GALNT11: variants seen among roughly 807,000 people sequenced by gnomAD.
GALNT11 encodes UDP-GalNAc:polypeptide N-acetylgalactosaminyltransferase 11.
Under a neutral mutation model 72.7 loss-of-function variants are expected in GALNT11, and 47 were observed. The ratio of observed to expected loss-of-function variants is 0.65; its 90% CI spans 0.51 to 0.82. The LOEUF (loss-of-function observed/expected upper bound fraction) is 0.82, where lower values mean the gene tolerates loss of function less well. Ranked by LOEUF, GALNT11 falls within the 40% of genes least tolerant of loss-of-function variation. GALNT11 has a pLI of 0.00. For missense variants in GALNT11, 677 were observed against 778.4 expected, an observed-to-expected ratio of 0.87 and a Z score of 1.55; for synonymous variants, 270 against 286.6, an observed-to-expected ratio of 0.94 and a Z score of 0.58.
rs1208715759 is a variant in GALNT11, at chr7:152,113,332, C to T, written c.1167C>T (p.Pro389=). 9.3e-6 allele frequency: 15 copies of T among 1,613,942 alleles called. No homozygotes were observed. The Admixed American group carries it at 1.0e-4, about 11-fold the overall frequency. Residue 389 remains proline, a synonymous_variant, in exon 8 of 12, where the codon CCC becomes CCT. Transcript: ENST00000430044. ...GAAAAAGGCGACCATATGGATCTCC[C>T]GAAGGCCAGGACACCATGACACACA... is the stretch of plus-strand genomic sequence containing the variant. ...IFRKRRPYGS[P]EGQDTMTHNS... is the part of the protein sequence containing the mutation.
chr7:152,087,372 C>CT (rs2129029766), intron 1 of GALNT11, among the ~76,000 whole-genome samples: 1 of 152,274 alleles, frequency 6.6e-6, no homozygotes, highest in Admixed American at 6.5e-5. Flanking sequence ...GTGTTCTAGA[C>CT]TAAGTGAAGA....
At chr7:152,069,836 T>G (rs1256515181) in intron 1 of GALNT11, among the ~76,000 whole-genome samples, 2 of 152,186 alleles carry the variant, frequency 1.3e-5, no homozygotes, top group East Asian at 3.8e-4. Context: ...TATAGTTAGG[T>G]CTTTTTAAAA....
chr7:152,121,088 G>A (rs570906018), intron 11 of GALNT11, 120 bp downstream of exon 11: 54 of 1,207,838 alleles, frequency 4.5e-5, no homozygotes, highest in Non-Finnish European at 5.9e-5. Flanking sequence ...GCAGTACAGT[G>A]GTCCCCCCAG....
chr7:152,108,187 C>G lies in GALNT11; in HGVS notation c.862C>G (p.Pro288Ala). Residue 288 changes from proline (P) to alanine (A), a missense_variant, in exon 6 of 12, where the codon CCT becomes GCT. Coordinates refer to ENST00000430044, the MANE Select transcript of GALNT11 (RefSeq NM_022087.4). ...CGACACGCTGGCCTACAGCTCGTCC[C>G]CTGTCGTCCGCGGAGGGTTCAACTG... ...SADTLAYSSS[P>A]VVRGGFNWGL... 6.2e-7 allele frequency: 1 copy of G among 1,614,146 alleles called. No homozygotes were observed. The highest frequency in any genetic ancestry group is 8.5e-7 in the Non-Finnish European group (1 of 1,180,030).
At chr7:152,049,276 C>G (rs1187569619) in intron 1 of GALNT11, among the ~76,000 whole-genome samples, 1 of 152,150 alleles carries the variant, frequency 6.6e-6, no homozygotes, top group East Asian at 1.9e-4. Flanking sequence ...GAAAGACTTT[C>G]CATATATTCA....
Position 152,100,975 on chromosome 7 carries a change from G to A in GALNT11, c.419+54G>A, listed in dbSNP as rs1220298947. 6 of 1,601,450 alleles carry A rather than the reference G, an allele frequency of 3.7e-6. No individual in the cohort carries two copies. In the African/African-American group the frequency reaches 5.4e-5, roughly 14 times the overall value. On this transcript the variant is annotated intron_variant, in intron 3 of 11. Coordinates refer to ENST00000430044, the MANE Select transcript of GALNT11 (RefSeq NM_022087.4). ...ATTTTAACAACACGATGCTTTTAGT[G>A]TCAGTGTAAGAGGTCACGAGGACGG...
intron 1 of GALNT11, among the ~76,000 whole-genome samples, chr7:152,055,460 T>G (rs545626369): frequency 6.6e-6 from 1 of 151,848 alleles, no homozygotes; most frequent in African/African-American, 2.4e-5. Context: ...CCAAAGTGTT[T>G]CCAGAAAATT....
intron 1 of GALNT11, among the ~76,000 whole-genome samples, chr7:152,069,612 C>G (rs1443628176): frequency 1.3e-5 from 2 of 152,190 alleles, no homozygotes; most frequent in East Asian, 1.9e-4. Context: ...CATACACATT[C>G]AAGACTGTTA....
At chr7:152,039,001 C>T (rs962182211) in intron 1 of GALNT11, among the ~76,000 whole-genome samples, 1 of 152,144 alleles carries the variant, frequency 6.6e-6, no homozygotes, top group African/African-American at 2.4e-5. Flanking sequence ...CCTTGTTTAG[C>T]TCCTACAATG....
chr7:152,071,277 G>GGC (rs2084627470), intron 1 of GALNT11, among the ~76,000 whole-genome samples: 1 of 150,418 alleles, frequency 6.6e-6, no homozygotes, highest in Admixed American at 6.6e-5. Flanking sequence ...ATAAGAGACG[G>GGC]GCACACCTGG....
intron 7 of GALNT11, among the ~76,000 whole-genome samples, chr7:152,110,991 C>T (rs2088127027): frequency 3.3e-5 from 5 of 151,574 alleles, no homozygotes; most frequent in Admixed American, 3.3e-4. Context: ...CAGAGTGCTC[C>T]ATGACTATCT....
Position 152,113,297 on chromosome 7 carries a change from C to T in GALNT11, c.1132C>T (p.His378Tyr). ...CATCATCCCTTGCTCTAGAGTAGGA[C>T]ACATTTTCCGAAAAAGGCGACCATA... Reference protein sequence around the residue: ...LFIIPCSRVGHIFRKRRPYGS... With the variant: ...LFIIPCSRVGYIFRKRRPYGS... Residue 378 changes from histidine to tyrosine, a missense_variant, in exon 8 of 12, where the codon CAC becomes TAC. Physicochemically the swap from His to Tyr is moderately conservative, Grantham distance 83 (BLOSUM62 2). Transcript: ENST00000430044. 6.2e-7 allele frequency: 1 copy of T among 1,614,072 alleles called. No individual in the cohort carries two copies. The highest frequency in any genetic ancestry group is 1.7e-5 in the Admixed American group (1 of 60,006).
chr7:152,052,041 A>G (rs2083431325), intron 1 of GALNT11, among the ~76,000 whole-genome samples: 2 of 151,960 alleles, frequency 1.3e-5, no homozygotes, highest in South Asian at 4.1e-4. Context: ...ATAATTCCCC[A>G]TTTTCCCAGC....
chr7:152,027,445 C>G (rs372328388), intron 1 of GALNT11, among the ~76,000 whole-genome samples: 6 of 152,274 alleles, frequency 3.9e-5, no homozygotes, highest in African/African-American at 1.4e-4. Flanking sequence ...GATGACGCAC[C>G]AACAACCCCC....
chr7:152,103,195 T>C lies in GALNT11; in HGVS notation c.503T>C (p.Leu168Pro). Residue 168 changes from leucine to proline, a missense_variant, in exon 4 of 12, where the codon CTT becomes CCT. Physicochemically the swap from Leu to Pro is moderately conservative, Grantham distance 98 (BLOSUM62 -3). Coordinates refer to ENST00000430044, the MANE Select transcript of GALNT11 (RefSeq NM_022087.4). ...TATAATGAAGCGTTTTCTGCCTTGCTTCGGACAGTGCACAGTGTCATAGAC... is the reference window on the plus strand; with the variant it reads ...TATAATGAAGCGTTTTCTGCCTTGCCTCGGACAGTGCACAGTGTCATAGAC... Reference protein sequence around the residue: ...CFYNEAFSALLRTVHSVIDRT... With the variant: ...CFYNEAFSALPRTVHSVIDRT... 1 of 1,613,714 alleles carries C rather than the reference T, an allele frequency of 6.2e-7. No individual in the cohort carries two copies. The highest frequency in any genetic ancestry group is 8.5e-7 in the Non-Finnish European group (1 of 1,179,806).
rs1002719126 is a variant in GALNT11 at position 152,118,974 on chromosome 7, G to A, written c.1557+192G>A. ...CTATATCCTAGTGCTCAAGGTCACC[G>A]CCAGGGTCTGATTTTTCACCGAAAA... On this transcript the variant is annotated intron_variant, in intron 10 of 11. Coordinates refer to ENST00000430044, the MANE Select transcript of GALNT11 (RefSeq NM_022087.4). The A allele has an allele frequency of 5.0e-4, 200 of 397,148 alleles. 2 individuals are homozygous for A. The highest frequency in any genetic ancestry group is 1.7e-4 in the Non-Finnish European group (38 of 227,894). 24.6% of individuals were successfully genotyped at this position (397,148 alleles called of 1,614,324 possible).
chr7:152,103,082 G>A (rs370419889), intron 3 of GALNT11, 30 bp from the exon 4 acceptor site: 473 of 1,577,738 alleles, frequency 3.0e-4, no homozygotes, highest in Non-Finnish European at 4.0e-4. Context: ...CTTTTAAAAT[G>A]TCAGAATTTC....
At chr7:152,057,459 A>G (rs1276273529) in intron 1 of GALNT11, among the ~76,000 whole-genome samples, 1 of 151,818 alleles carries the variant, frequency 6.6e-6, no homozygotes, top group Non-Finnish European at 1.5e-5. Context: ...GGCGCCTGCT[A>G]CCATGCCCGG....
At chr7:152,084,424 A>AAC (rs1587246919) in intron 1 of GALNT11, among the ~76,000 whole-genome samples, 9 of 149,308 alleles carry the variant, frequency 6.0e-5, no homozygotes, top group East Asian at 4.0e-4. Flanking sequence ...TTTCAAGTTG[A>AAC]TTTTGTTAGA....
Sources: gnomAD v4.1 joint callset for allele counts (sites outside exome capture counted in the v4.1 genomes callset) on GRCh38, gnomAD v4.1.1 for gene constraint, MANE v1.5 for transcripts, NCBI Gene and HGNC (gene_info 2026-07-23, HGNC 2026-07-21) for gene names.